Variants in UNC13A observed in about 807,000 individuals in gnomAD.
UNC13A encodes the protein unc-13 homolog A.
A neutral mutation model predicts 219.7 loss-of-function variants in UNC13A; 61 were observed. The ratio of observed to expected loss-of-function variants is 0.28; its 90% CI spans 0.23 to 0.34. The LOEUF (loss-of-function observed/expected upper bound fraction) is 0.34. UNC13A is among the 10% of genes least tolerant of loss of function. The probability of loss-of-function intolerance (pLI) is 1.00; values close to 1 mark genes in which losing one functional copy is unlikely to be tolerated. For synonymous variants in UNC13A, 920 were observed against 884.6 expected (o/e 1.04, Z -0.71); for missense variants, 1,476 against 2,270.3 (o/e 0.65, Z 7.11).
At chr19:17,637,519 C>T (rs193189675) in intron 25 of UNC13A, among the ~76,000 whole-genome samples, 1,905 of 151,888 alleles carry the variant, frequency 0.013, 34 homozygotes, top group African/African-American at 0.043. Context: ...AGGATGGTCT[C>T]GATCTCCTGA....
At chr19:17,688,040 C>A in intron 1 of UNC13A, 138 bp downstream of exon 1, 2 of 1,118,818 alleles carry the variant, frequency 1.8e-6, no homozygotes, top group South Asian at 3.9e-5. Flanking sequence ...GCTGCGTCGA[C>A]AAGGGCTACC....
At chr19:17,630,509 G>A in intron 29 of UNC13A, 145 bp downstream of exon 29, 1 of 1,142,904 alleles carries the variant, frequency 8.7e-7, no homozygotes, top group Non-Finnish European at 1.3e-6. Context: ...TGTAGTTGAT[G>A]AATGAACAAA....
intron 39 of UNC13A, 48 bp downstream of exon 39, chr19:17,618,858 G>A (rs1218115203): frequency 6.3e-7 from 1 of 1,583,230 alleles, no homozygotes; most frequent in Non-Finnish European, 8.6e-7. Context: ...GAAGCCACAT[G>A]AGTTTGGGGG....
rs371588398 is a variant in UNC13A at position 17,627,645 on chromosome 19, T to G, written c.3832-48A>C. The G allele has an allele frequency of 4.1e-6, 6 of 1,472,524 alleles. No individual in the cohort carries two copies. The highest frequency in any genetic ancestry group is 2.8e-5 in the African/African-American group (2 of 71,470). 91.2% of individuals were successfully genotyped at this position (1,472,524 alleles called of 1,614,324 possible). A position where few individuals can be genotyped will look rare whatever the true frequency, so the allele number is the denominator to read the frequency against. On this transcript the variant is annotated intron_variant, in intron 32 of 43. Transcript: ENST00000519716. This position sits in a 1 kb window ranked among gnomAD's most constrained non-coding sequence, Gnocchi z 4.7. Reference sequence around the variant, plus strand: ...AGGCCAGGTTCAGTAAGTATCCACATGTACTGGGCATTTTCTCATCTGACC... The same window carrying G: ...AGGCCAGGTTCAGTAAGTATCCACAGGTACTGGGCATTTTCTCATCTGACC...
rs1042564578 is a variant in UNC13A at position 17,605,932 on chromosome 19, C to T, written c.*122G>A. On this transcript the variant is annotated 3_prime_UTR_variant, in exon 44 of 44. Coordinates refer to ENST00000519716, the MANE Select transcript of UNC13A (RefSeq NM_001080421.3). ...CTGAGTCAAGGGCGTAGGCGCAGCC[C>T]ACCCTTGGCGTGGAGCCCCCCGAGC... is the stretch of plus-strand genomic sequence containing the variant. The T allele has an allele frequency of 4.2e-5, 39 of 929,382 alleles. No individual in the cohort carries two copies. The highest frequency in any genetic ancestry group is 5.4e-5 in the Non-Finnish European group (37 of 680,472). The allele number at this position is 929,382 out of a possible 1,614,324, so 57.6% of individuals were successfully genotyped here.
chr19:17,672,585 C>A, intron 3 of UNC13A, 90 bp from the exon 4 acceptor site: 3 of 958,094 alleles, frequency 3.1e-6, no homozygotes, highest in Non-Finnish European at 3.2e-6. Context: ...GAACACACAG[C>A]ATACTGCAAT....
Position 17,688,292 on chromosome 19 carries a change from G to A in UNC13A, c.-93C>T, listed in dbSNP as rs2080154334. On this transcript the variant is annotated 5_prime_UTR_variant, in exon 1 of 44. Transcript: ENST00000519716. ...TGGGCTGGGGCATCTCCCGGCTGCA[G>A]CCCGCGCTTGGCTCACGCCGGGGCC... 1.0e-5 allele frequency: 14 copies of A among 1,352,984 alleles called. 1 individual carries two copies. The South Asian group carries it at 2.5e-4, about 24-fold the overall frequency. 83.8% of individuals were successfully genotyped at this position (1,352,984 alleles called of 1,614,324 possible).
intron 24 of UNC13A, 50 bp from the exon 25 acceptor site, chr19:17,639,267 C>A: frequency 6.2e-7 from 1 of 1,609,076 alleles, no homozygotes; most frequent in South Asian, 1.1e-5. Context: ...ACAGGAGGTC[C>A]CCAGGAAGTG....
chr19:17,646,215 C>T (rs966388634), intron 17 of UNC13A, 104 bp from the exon 18 acceptor site: 2 of 1,509,082 alleles, frequency 1.3e-6, no homozygotes, highest in Admixed American at 3.9e-5. Context: ...ACACCTGCAG[C>T]ATGGCTGGAG....
intron 41 of UNC13A, 84 bp from the exon 42 acceptor site, chr19:17,611,939 C>T: frequency 8.1e-7 from 1 of 1,237,154 alleles, no homozygotes; most frequent in Admixed American, 1.8e-5. Flanking sequence ...TCCCACCCAC[C>T]TGTGCTGGCG....
chr19:17,623,444 G>T, intron 36 of UNC13A, 98 bp downstream of exon 36: 1 of 912,688 alleles, frequency 1.1e-6, no homozygotes, highest in Non-Finnish European at 1.6e-6. Context: ...TGAGGAGGGG[G>T]CGCTGGGTGG....
At chr19:17,646,263 T>TTTTGTGTGTTTGTGTG (rs548226320) in intron 17 of UNC13A, among the ~76,000 whole-genome samples, 152 bp from the exon 18 acceptor site, 13 of 135,262 alleles carry the variant, frequency 9.6e-5, no homozygotes, top group Non-Finnish European at 2.0e-4. Context: ...CAGAGAGGTT[T>TTTTGTGTGTTTGTGTG]TTTGTGTGTT....
chr19:17,680,298 C>T (rs2079982715), intron 1 of UNC13A, among the ~76,000 whole-genome samples: 2 of 152,286 alleles, frequency 1.3e-5, no homozygotes, highest in East Asian at 1.9e-4. Context: ...CCGCCTGCGC[C>T]GGGTTGCTGT....
chr19:17,609,633 C>T (rs962291599), intron 43 of UNC13A, among the ~76,000 whole-genome samples: 1 of 152,166 alleles, frequency 6.6e-6, no homozygotes, highest in Admixed American at 6.5e-5. Flanking sequence ...TGGCCCTGCC[C>T]ACCATGCACT....
Position 17,656,079 on chromosome 19 carries a change from C to G in UNC13A, c.1087G>C (p.Asp363His), listed in dbSNP as rs757867520. 6.4e-7 allele frequency: 1 copy of G among 1,553,776 alleles called. No homozygotes were observed. Among genetic ancestry groups the G allele is most frequent in the South Asian group, 1.2e-5 (1 of 84,230 alleles). The change falls in exon 10 of 44, where the codon GAC becomes CAC. Residue 363 changes from aspartate to histidine, a missense_variant. Asp to His is a moderately conservative substitution (Grantham distance 81). Around this residue, in one of 14 missense-constraint regions of UNC13A, gnomAD observed 351 missense variants for 342.6 expected, o/e 1.02. Transcript: ENST00000519716. Reference protein sequence around the residue: ...DDLGSYAQREDVAVAEPKDFK... With the variant: ...DDLGSYAQREHVAVAEPKDFK... ...TCTTTGGGCTCAGCCACAGCTACGT[C>G]TTCACGCTGGGCATAGCTGCCCAAA...
In UNC13A at chr19:17,642,029, T is replaced by TTTACATCC. The variant is rs1362793407; in HGVS notation, c.2473-474_2473-473insGGATGTAA. On this transcript the variant is annotated intron_variant, in intron 20 of 43. Transcript: ENST00000519716. The stretch of plus-strand genomic sequence containing the variant: ...CCATTCATCCATTTGTCCATCTGCC[T>TTTACATCC]ATACATCCATCCATCCATCCATCCA... Among the ~76,000 whole-genome samples the TTTACATCC allele has an allele frequency of 5.8e-3, 445 of 76,858 alleles. 4 individuals carry two copies. Among genetic ancestry groups the TTTACATCC allele is most frequent in the African/African-American group, 0.025 (440 of 17,798 alleles). 50.4% of individuals were successfully genotyped at this position (76,858 alleles called of 152,430 possible).
chr19:17,685,186 G>T (rs1166430001), intron 1 of UNC13A, among the ~76,000 whole-genome samples: 1 of 150,518 alleles, frequency 6.6e-6, no homozygotes, highest in Non-Finnish European at 1.5e-5. Context: ...TGAGTGTTAG[G>T]ACATGAGTGA....
chr19:17,675,157 A>C (rs990347052), intron 2 of UNC13A, among the ~76,000 whole-genome samples: 1 of 151,174 alleles, frequency 6.6e-6, no homozygotes, highest in Non-Finnish European at 1.5e-5. Flanking sequence ...GCAAAACCCT[A>C]TCTCTACTAA....
Position 17,606,158 on chromosome 19 carries a change from G to T in UNC13A, c.5008C>A (p.Arg1670=). The change falls in exon 44 of 44, where the codon CGA becomes AGA. Residue 1670 remains arginine (R), a synonymous_variant. Coordinates refer to ENST00000519716, the MANE Select transcript of UNC13A (RefSeq NM_001080421.3). The part of the protein sequence containing the change: ...HMDDTGLTVL[R]ILSQRSNDEV... ...TCGTTGCTGCGCTGCGAGAGGATTC[G>T]CAGCACCGTGAGGCCCGTGTCGTCC... is the stretch of plus-strand genomic sequence containing the variant. 1 of 1,582,314 alleles carries T rather than the reference G, an allele frequency of 6.3e-7. No individual in the cohort carries two copies. The highest frequency in any genetic ancestry group is 8.6e-7 in the Non-Finnish European group (1 of 1,166,000).
Sources: gnomAD v4.1 joint callset for allele counts (sites outside exome capture counted in the v4.1 genomes callset) on GRCh38, gnomAD v4.1.1 for gene constraint, gnomAD v4.1.1 regional missense constraint, Gnocchi (gnomAD v3.1) non-coding constraint, MANE v1.5 for transcripts, NCBI Gene and HGNC (gene_info 2026-07-23, HGNC 2026-07-21) for gene names.